Variants in NALF1 observed in about 807,000 individuals in gnomAD.
NALF1 encodes NALCN channel auxiliary factor 1.
A neutral mutation model predicts 48.4 loss-of-function variants in NALF1; 3 were observed. The observed-to-expected ratio is 0.06, with a 90% confidence interval of 0.03 to 0.16. The LOEUF (loss-of-function observed/expected upper bound fraction) is 0.16. Among genes scored for constraint, NALF1 ranks in the 10% least tolerant of loss-of-function variants. NALF1 has a pLI of 1.00. For missense variants in NALF1, 526 were observed against 571.5 expected (o/e 0.92, Z 0.81); for synonymous variants, 262 against 245.7 (o/e 1.07, Z -0.62).
chr13:107,169,687 G>A lies in NALF1; in HGVS notation c.*810C>T, dbSNP rs1335544122. The A allele has an allele frequency of 6.6e-6, 1 of 152,480 alleles. No homozygotes were observed. The highest frequency in any genetic ancestry group is 1.5e-5 in the Non-Finnish European group (1 of 68,024). 9.4% of individuals were successfully genotyped at this position (152,480 alleles called of 1,614,324 possible). A position where few individuals can be genotyped will look rare whatever the true frequency, so the allele number is the denominator to read the frequency against. On this transcript the variant is annotated 3_prime_UTR_variant, in exon 3 of 3. Transcript: ENST00000375915. The stretch of plus-strand genomic sequence containing the variant: ...TTTTCAACATAAAAATGTGTTAACT[G>A]TCTGATTCCACCTATTATGGAGAGC...
At chr13:107,567,211 T>C (rs901979214) in intron 1 of NALF1, among the ~76,000 whole-genome samples, 2 of 152,368 alleles carry the variant, frequency 1.3e-5, no homozygotes, top group East Asian at 3.9e-4. Flanking sequence ...AAATGAGCTA[T>C]ATGTACACTA....
At chr13:107,429,767 T>C (rs143293649) in intron 1 of NALF1, among the ~76,000 whole-genome samples, 1 of 152,290 alleles carries the variant, frequency 6.6e-6, no homozygotes, top group Non-Finnish European at 1.5e-5. Flanking sequence ...CTAAAGTGCC[T>C]GAGATTAATT....
intron 2 of NALF1, among the ~76,000 whole-genome samples, chr13:107,199,240 A>G (rs574670982): frequency 6.6e-6 from 1 of 152,332 alleles, no homozygotes; most frequent in Non-Finnish European, 1.5e-5. Context: ...TGGAGGCAAG[A>G]CCATGTGAAG....
chr13:107,514,351 C>A (rs1052384306), intron 1 of NALF1, among the ~76,000 whole-genome samples: 6 of 152,092 alleles, frequency 3.9e-5, no homozygotes, highest in African/African-American at 1.4e-4. Flanking sequence ...ATCAGACTTA[C>A]GGGACACATG....
At chr13:107,602,399 G>C (rs914135946) in intron 1 of NALF1, among the ~76,000 whole-genome samples, 1 of 143,168 alleles carries the variant, frequency 7.0e-6, no homozygotes, top group African/African-American at 2.4e-5. Context: ...TCTCCAGAGT[G>C]TCTCTGCCAC....
At chr13:107,260,749 C>T (rs960478563) in intron 1 of NALF1, among the ~76,000 whole-genome samples, 21 of 152,222 alleles carry the variant, frequency 1.4e-4, no homozygotes, top group African/African-American at 5.1e-4. Flanking sequence ...ATTACACATG[C>T]TAGCTATCTG....
Position 107,528,026 on chromosome 13 carries a change from G to T in NALF1, c.916-317271C>A, listed in dbSNP as rs1876501309. ...GTAATATAAACATATCTGACAAAAT[G>T]AATTGTCATTAGGAATATAACTGAA... On this transcript the variant is annotated intron_variant, in intron 1 of 2. Transcript: ENST00000375915. Among the ~76,000 whole-genome samples the T allele has an allele frequency of 2.0e-5, 3 of 152,160 alleles. No individual in the cohort carries two copies. The South Asian group carries it at 6.2e-4, about 32-fold the overall frequency.
At chr13:107,631,798 A>G (rs751415089) in intron 1 of NALF1, among the ~76,000 whole-genome samples, 12 of 152,264 alleles carry the variant, frequency 7.9e-5, no homozygotes, top group Non-Finnish European at 1.6e-4. Context: ...GATTATATAT[A>G]TAGCCAGAAA....
chr13:107,474,622 G>A (rs1010116038), intron 1 of NALF1, among the ~76,000 whole-genome samples: 1 of 152,182 alleles, frequency 6.6e-6, no homozygotes, highest in Non-Finnish European at 1.5e-5. Flanking sequence ...AATGTTAAAT[G>A]TAGGTGTTTA....
intron 1 of NALF1, among the ~76,000 whole-genome samples, chr13:107,624,479 A>AT (rs1483308631): frequency 6.6e-6 from 1 of 152,322 alleles, no homozygotes; most frequent in East Asian, 1.9e-4. Context: ...GTCATCCTGT[A>AT]TAATACTTTT....
At chr13:107,237,696 A>C (rs1337117720) in intron 1 of NALF1, among the ~76,000 whole-genome samples, 1 of 152,236 alleles carries the variant, frequency 6.6e-6, no homozygotes, top group Non-Finnish European at 1.5e-5. Context: ...GCCTGACTAC[A>C]TAGTACACAT....
chr13:107,308,270 C>T (rs1881979128), intron 1 of NALF1, among the ~76,000 whole-genome samples: 1 of 145,690 alleles, frequency 6.9e-6, no homozygotes, highest in Non-Finnish European at 1.5e-5. Context: ...GGCGTGACCT[C>T]GGCTCACTGC....
intron 1 of NALF1, among the ~76,000 whole-genome samples, chr13:107,213,163 T>C (rs1366087732): frequency 6.7e-6 from 1 of 148,798 alleles, no homozygotes; most frequent in Non-Finnish European, 1.5e-5. Context: ...TGGGAACATA[T>C]CCATTTTTAT....
At chr13:107,662,980 T>C (rs1880767369) in intron 1 of NALF1, among the ~76,000 whole-genome samples, 1 of 152,212 alleles carries the variant, frequency 6.6e-6, no homozygotes, top group South Asian at 2.1e-4. Context: ...GATATTTATA[T>C]ATTATTTAAT....
chr13:107,280,756 C>T (rs1594102258), intron 1 of NALF1, among the ~76,000 whole-genome samples: 1 of 152,000 alleles, frequency 6.6e-6, no homozygotes, highest in African/African-American at 2.4e-5. Context: ...CAAATAGTCT[C>T]GAAAAAAAGT....
At chr13:107,578,181 C>T (rs956598789) in intron 1 of NALF1, among the ~76,000 whole-genome samples, 4 of 152,182 alleles carry the variant, frequency 2.6e-5, no homozygotes, top group African/African-American at 9.6e-5. Flanking sequence ...TGTTGTCATT[C>T]CGTTTGTTGA....
In NALF1 at chr13:107,865,801, C is replaced by A. The variant is rs1245770175; in HGVS notation, c.796G>T (p.Glu266Ter). ...GEMTTCRQCV[E>*]AYQDYDHHAQ... Reference sequence around the variant, plus strand: ...TGGTGGTCATAGTCCTGGTAAGCCTCGACGCACTGCCTGCAAGTGGTCATC... The same window carrying A: ...TGGTGGTCATAGTCCTGGTAAGCCTAGACGCACTGCCTGCAAGTGGTCATC... The change falls in exon 1 of 3, where the codon GAG becomes TAG. Residue 266 changes from glutamate (E) to a stop codon, truncating the protein, a stop_gained. Transcript: ENST00000375915. LOFTEE classifies it high-confidence loss of function. The A allele has an allele frequency of 6.2e-7, 1 of 1,614,128 alleles. No individual in the cohort carries two copies. The highest frequency in any genetic ancestry group is 2.2e-5 in the East Asian group (1 of 44,854).
At chr13:107,291,490 C>A (rs566051802) in intron 1 of NALF1, among the ~76,000 whole-genome samples, 24 of 144,994 alleles carry the variant, frequency 1.7e-4, no homozygotes, top group Non-Finnish European at 1.8e-4. Flanking sequence ...AAGGTGTATA[C>A]AAAAAAAAAA....
intron 1 of NALF1, among the ~76,000 whole-genome samples, chr13:107,722,815 T>A (rs1440595325): frequency 1.3e-5 from 2 of 152,126 alleles, no homozygotes; most frequent in Non-Finnish European, 2.9e-5. Context: ...CTCAGCCCAG[T>A]CAGCTCAGAT....
Sources: gnomAD v4.1 joint callset for allele counts (sites outside exome capture counted in the v4.1 genomes callset) on GRCh38, gnomAD v4.1.1 for gene constraint, MANE v1.5 for transcripts, NCBI Gene and HGNC (gene_info 2026-07-23, HGNC 2026-07-21) for gene names.